TRPC7: variants seen among roughly 807,000 people sequenced by gnomAD.
TRPC7 encodes the protein transient receptor potential cation channel subfamily C member 7.
In TRPC7, 42 loss-of-function variants were observed where a neutral mutation model predicts 90.1. The observed-to-expected ratio is 0.47, with a 90% CI of 0.36 to 0.60. The LOEUF (loss-of-function observed/expected upper bound fraction) is 0.60. TRPC7 is among the 20% of genes least tolerant of loss of function. TRPC7 has a pLI of 0.00. For synonymous variants in TRPC7, 451 were observed against 436.3 expected, an observed-to-expected ratio of 1.03 and a Z score of -0.42; for missense variants, 955 against 1,112.3, an observed-to-expected ratio of 0.86 and a Z score of 2.01.
At chr5:136,308,276 C>T (rs1312759191) in intron 3 of TRPC7, among the ~76,000 whole-genome samples, 6 of 152,112 alleles carry the variant, frequency 3.9e-5, no homozygotes, top group Non-Finnish European at 5.9e-5. Flanking sequence ...TGTGGCCAGG[C>T]GAGATCCACG....
intron 3 of TRPC7, among the ~76,000 whole-genome samples, chr5:136,295,030 T>C (rs1758112230): frequency 6.6e-6 from 1 of 151,280 alleles, no homozygotes; most frequent in African/African-American, 2.4e-5. Flanking sequence ...CAGCAAACCA[T>C]CACAAGGACA....
intron 3 of TRPC7, among the ~76,000 whole-genome samples, chr5:136,308,032 A>T (rs938443244): frequency 1.2e-4 from 19 of 152,212 alleles, no homozygotes; most frequent in African/African-American, 4.6e-4. Context: ...TTGGGACTTG[A>T]ACACGCACAG....
intron 2 of TRPC7, among the ~76,000 whole-genome samples, chr5:136,346,842 G>A (rs344822): frequency 2.6e-3 from 400 of 152,146 alleles, no homozygotes; most frequent in Non-Finnish European, 4.1e-3. Context: ...ATAGCACCCC[G>A]CAGCCCAATG....
chr5:136,337,644 C>T (rs1159062020), intron 2 of TRPC7, among the ~76,000 whole-genome samples: 10 of 139,866 alleles, frequency 7.1e-5, no homozygotes, highest in Admixed American at 3.0e-4. Context: ...TCAGCCTGGG[C>T]GACAGAGGGA....
At chr5:136,303,290 G>A (rs1758470710) in intron 3 of TRPC7, among the ~76,000 whole-genome samples, 1 of 152,052 alleles carries the variant, frequency 6.6e-6, no homozygotes, top group African/African-American at 2.4e-5. Flanking sequence ...AAGGTCAAAA[G>A]GCCGTCTTAT....
chr5:136,353,026 G>A (rs187337565), intron 2 of TRPC7, among the ~76,000 whole-genome samples: 15 of 152,222 alleles, frequency 9.9e-5, no homozygotes, highest in African/African-American at 2.6e-4. Flanking sequence ...AAGTATTTCC[G>A]GAATGCTCAC....
chr5:136,274,599 A>C (rs531861031), intron 4 of TRPC7, 74 bp downstream of exon 4: 19 of 1,369,002 alleles, frequency 1.4e-5, no homozygotes, highest in Non-Finnish European at 1.7e-5. Context: ...TAATTTGAAC[A>C]AAATGGATTT....
At chr5:136,364,079 C>A (rs1760650113) in intron 1 of TRPC7, among the ~76,000 whole-genome samples, 2 of 151,970 alleles carry the variant, frequency 1.3e-5, no homozygotes, top group South Asian at 4.1e-4. Context: ...TATGAAATGA[C>A]AATACTGAAA....
At chr5:136,220,593 A>G (rs1428098690) in intron 10 of TRPC7, among the ~76,000 whole-genome samples, 1 of 152,208 alleles carries the variant, frequency 6.6e-6, no homozygotes, top group Non-Finnish European at 1.5e-5. Context: ...TAAGATGTTT[A>G]TCAAGACAAT....
rs560762191 is a variant in TRPC7, at chr5:136,266,355, C to T, written c.1210G>A (p.Val404Met). ...SFTIFLGLLV[V>M]NASDRFEGVK... ...CCTTCAAATCGGTCAGATGCATTCA[C>T]AACTAATAATCCCAAGAAGATTGTA... is the stretch of plus-strand genomic sequence containing the variant. Residue 404 changes from valine (V) to methionine (M), a missense_variant, in exon 5 of 12, where the codon GTG (valine) becomes ATG (methionine). By Grantham distance (21) the Val-to-Met change is conservative. Coordinates refer to ENST00000513104, the MANE Select transcript of TRPC7 (RefSeq NM_020389.3). 36 of 1,613,856 alleles carry T rather than the reference C, an allele frequency of 2.2e-5. No individual in the cohort carries two copies. The South Asian group carries it at 4.0e-4, about 18-fold the overall frequency.
chr5:136,315,873 C>T lies in TRPC7; in HGVS notation c.781-94G>A. 5 of 1,242,554 alleles carry T rather than the reference C, an allele frequency of 4.0e-6. No homozygotes were observed. In the South Asian group the frequency reaches 7.2e-5, roughly 18 times the overall value. The allele number at this position is 1,242,554 out of a possible 1,614,324, so 77.0% of individuals were successfully genotyped here. A position where few individuals can be genotyped will look rare whatever the true frequency, so the allele number is the denominator to read the frequency against. On this transcript the variant is annotated intron_variant, in intron 2 of 11. Coordinates refer to ENST00000513104, the MANE Select transcript of TRPC7 (RefSeq NM_020389.3). ...AGTGTCGATCAGCAACTGCTCACCA[C>T]ATGTGACCTTATGGAGCACATTGGA...
intron 2 of TRPC7, among the ~76,000 whole-genome samples, chr5:136,333,358 A>G (rs1759556630): frequency 6.6e-6 from 1 of 152,198 alleles, no homozygotes; most frequent in South Asian, 2.1e-4. Context: ...GAGGCACAAA[A>G]ACATGATATA....
intron 2 of TRPC7, among the ~76,000 whole-genome samples, chr5:136,352,907 G>A (rs1021227299): frequency 3.3e-5 from 5 of 152,144 alleles, no homozygotes; most frequent in Non-Finnish European, 5.9e-5. Flanking sequence ...ATCAAACGCC[G>A]CTATTAAATC....
At chr5:136,300,688 G>A (rs1295459582) in intron 3 of TRPC7, among the ~76,000 whole-genome samples, 1 of 152,190 alleles carries the variant, frequency 6.6e-6, no homozygotes, top group Non-Finnish European at 1.5e-5. Flanking sequence ...TGAAGGACAT[G>A]GAGATGATAG....
At chr5:136,301,744 G>A (rs142454359) in intron 3 of TRPC7, among the ~76,000 whole-genome samples, 2,733 of 152,076 alleles carry the variant, frequency 0.018, 23 homozygotes, top group South Asian at 0.026. Flanking sequence ...CTCTCTTTTC[G>A]GACTCAGCCT....
At chr5:136,347,481 T>C (rs529005094) in intron 2 of TRPC7, among the ~76,000 whole-genome samples, 1 of 152,352 alleles carries the variant, frequency 6.6e-6, no homozygotes, top group East Asian at 1.9e-4. Flanking sequence ...GTCATTTTCC[T>C]GTACCTTAAT....
In TRPC7 at chr5:136,282,382, G is replaced by A. The variant is rs73789976; in HGVS notation, c.964-7545C>T. 5.1e-3 allele frequency among the ~76,000 whole-genome samples: 775 copies of A among 152,216 alleles called. 11 individuals carry two copies. Among genetic ancestry groups the A allele is most frequent in the African/African-American group, 0.018 (737 of 41,536 alleles). ...CTAAATTTCTCTTTCAGAGAAATGC[G>A]AATATAACTCAGTAATGAGTTATTT... On this transcript the variant is annotated intron_variant, in intron 3 of 11. Transcript: ENST00000513104.
intron 8 of TRPC7, 92 bp from the exon 9 acceptor site, chr5:136,226,347 C>A: frequency 1.1e-6 from 1 of 901,376 alleles, no homozygotes; most frequent in South Asian, 1.6e-5. Context: ...CCCCAACATT[C>A]GGAAAGCAGA....
At chr5:136,286,754 C>T (rs945922539) in intron 3 of TRPC7, among the ~76,000 whole-genome samples, 1 of 152,210 alleles carries the variant, frequency 6.6e-6, no homozygotes, top group African/African-American at 2.4e-5. Flanking sequence ...TTCTAGTTAT[C>T]AGCACTCCAC....
Sources: allele counts gnomAD v4.1 joint callset (sites outside exome capture counted in the v4.1 genomes callset), GRCh38; gene constraint gnomAD v4.1.1; transcripts MANE v1.5; gene names NCBI Gene and HGNC (gene_info 2026-07-23, HGNC 2026-07-21).